The following EIF5 variants were observed in gnomAD, a reference collection of about 807,000 sequenced individuals.
EIF5 encodes the protein eukaryotic translation initiation factor 5.
Under a neutral mutation model 48.3 loss-of-function variants are expected in EIF5, and 10 were observed. The ratio of observed to expected loss-of-function variants is 0.21; its 90% CI spans 0.13 to 0.35. EIF5 has a LOEUF of 0.35. EIF5 is among the 10% of genes least tolerant of loss of function. The pLI is 1.00. For synonymous variants in EIF5, 237 were observed against 173.1 expected, an observed-to-expected ratio of 1.37 and a Z score of -2.90; for missense variants, 397 against 533.2, an observed-to-expected ratio of 0.74 and a Z score of 2.51.
intron 2 of EIF5, 148 bp downstream of exon 2, chr14:103,334,745 C>T (rs933881183): frequency 2.7e-5 from 4 of 147,370 alleles, no homozygotes; most frequent in Admixed American, 6.7e-5. Flanking sequence ...CCCGCGCGCT[C>T]CCCGGCCCGG....
chr14:103,342,063 T>C lies in EIF5; in HGVS notation c.*1011T>C, dbSNP rs1159510416. The C allele has an allele frequency of 6.6e-6, 1 of 152,668 alleles. No individual in the cohort carries two copies. The highest frequency in any genetic ancestry group is 1.5e-5 in the Non-Finnish European group (1 of 68,042). 9.5% of individuals were successfully genotyped at this position (152,668 alleles called of 1,614,324 possible). ...GCCTTTTACATTTGGACACATAGTT[T>C]ATGCTTTTTAGATTTTGGTTGCTTT... On this transcript the variant is annotated 3_prime_UTR_variant, in exon 12 of 12. Coordinates refer to ENST00000216554, the MANE Select transcript of EIF5 (RefSeq NM_001969.5).
intron 8 of EIF5, 76 bp downstream of exon 8, chr14:103,338,969 A>G: frequency 6.5e-7 from 1 of 1,545,832 alleles, no homozygotes; most frequent in Non-Finnish European, 8.7e-7. Context: ...ATACTTTAGC[A>G]GTGTAATTAG....
rs1320469548 is a variant in EIF5 at position 103,336,497 on chromosome 14, C to CT, written c.155-178dup. 7.7e-6 allele frequency: 5 copies of CT among 648,684 alleles called. No individual in the cohort carries two copies. The East Asian group carries it at 1.5e-4, about 19-fold the overall frequency. The allele number at this position is 648,684 out of a possible 1,614,324, so 40.2% of individuals were successfully genotyped here. On this transcript the variant is annotated intron_variant, in intron 4 of 11. Coordinates refer to ENST00000216554, the MANE Select transcript of EIF5 (RefSeq NM_001969.5). ...TTGGGAGGCTGAAGGGGGAGAATCGCTTGAACCCCGGAAACGGAGGTTGCA... is the reference window on the plus strand; with the variant it reads ...TTGGGAGGCTGAAGGGGGAGAATCGCTTTGAACCCCGGAAACGGAGGTTGCA...
In EIF5 at chr14:103,338,348, G is replaced by C; in HGVS notation, c.461G>C (p.Gly154Ala). Residue 154 changes from glycine (G) to alanine (A), a missense_variant, in exon 7 of 12, where the codon GGA (glycine) becomes GCA (alanine). Coordinates refer to ENST00000216554, the MANE Select transcript of EIF5 (RefSeq NM_001969.5). ...NPPENSDSGTGKKEKEKKNRK... is the reference protein window; with the variant it reads ...NPPENSDSGTAKKEKEKKNRK... ...GTAGAGAATAGTGACAGTGGTACAG[G>C]AAAGAAAGAAAAAGAAAAGAAAAAC... is the stretch of plus-strand genomic sequence containing the variant. 1.2e-6 allele frequency: 2 copies of C among 1,613,840 alleles called. No individual in the cohort carries two copies. The highest frequency in any genetic ancestry group is 1.6e-4 in the Middle Eastern group (1 of 6,062).
rs116928037 is a variant in EIF5, at chr14:103,340,522, T to A, written c.1167T>A (p.Ser389=). The change falls in exon 11 of 12, where the codon TCT becomes TCA. Residue 389 remains serine, a synonymous_variant. Transcript: ENST00000216554. ...GGTTGAAGGAGGCAGAGGAAGAATC[T>A]TCTGGTGGCGAAGAAGAAGATGAAG... ...IKWLKEAEEE[S]SGGEEEDEDE... 1,220 of 1,612,970 alleles carry A rather than the reference T, an allele frequency of 7.6e-4. 3 individuals are homozygous for A. The African/African-American group carries it at 0.011, about 14-fold the overall frequency.
intron 11 of EIF5, among the ~76,000 whole-genome samples, 189 bp from the exon 12 acceptor site, chr14:103,340,774 A>C (rs1041720542): frequency 2.6e-5 from 4 of 152,236 alleles, no homozygotes; most frequent in African/African-American, 9.6e-5. Context: ...GTCTATAAAA[A>C]AACTTTAAAA....
intron 10 of EIF5, among the ~76,000 whole-genome samples, chr14:103,340,221 C>G (rs2089337147): frequency 6.6e-6 from 1 of 152,174 alleles, no homozygotes; most frequent in African/African-American, 2.4e-5. Context: ...AGTTCAGTGC[C>G]TGTGCTGTAG....
intron 11 of EIF5, 21 bp from the exon 12 acceptor site, chr14:103,340,942 T>A: frequency 6.2e-7 from 1 of 1,609,836 alleles, no homozygotes; most frequent in Non-Finnish European, 8.5e-7. Context: ...TTATGTTGAA[T>A]AAAATCATTC....
rs755758368 is a variant in EIF5 at position 103,338,719 on chromosome 14, C to A, written c.586-16C>A. 1 of 1,610,726 alleles carries A rather than the reference C, an allele frequency of 6.2e-7. No individual in the cohort carries two copies. Among genetic ancestry groups the A allele is most frequent in the Non-Finnish European group, 8.5e-7 (1 of 1,178,794 alleles). On this transcript the variant is annotated splice_polypyrimidine_tract_variant and intron_variant, in intron 7 of 11. Transcript: ENST00000216554. ...TTTTAAGGCCTTTGATCAAGTAGCT[C>A]TGTTTTCATAAACAGGAAGAAGAGG...
In EIF5 at chr14:103,344,059, T is replaced by C. The variant is rs896095021; in HGVS notation, c.*3007T>C. On this transcript the variant is annotated 3_prime_UTR_variant, in exon 12 of 12. Transcript: ENST00000216554. ...TTGCACTTTCGTTGCATGTGCTGTG[T>C]GACCCCAAGGGGACAGGGAGTCACT... 1.3e-5 allele frequency: 2 copies of C among 152,212 alleles called. No individual in the cohort carries two copies. The highest frequency in any genetic ancestry group is 4.8e-5 in the African/African-American group (2 of 41,452). The allele number at this position is 152,212 out of a possible 1,614,324, so 9.4% of individuals were successfully genotyped here.
Position 103,341,014 on chromosome 14 carries a change from G to T in EIF5, c.1258G>T (p.Asp420Tyr). ...SVPKVETVKS[D>Y]NKDDDIDIDA... ...ACCGAAAGTTGAGACTGTAAAGTCA[G>T]ACAACAAGGATGACGACATCGATAT... Residue 420 changes from aspartate to tyrosine, a missense_variant, in exon 12 of 12, where the codon GAC becomes TAC. This residue lies in a region of EIF5 where 160 missense variants were observed against 184.8 expected (regional missense o/e 0.87). Coordinates refer to ENST00000216554, the MANE Select transcript of EIF5 (RefSeq NM_001969.5). 1.2e-6 allele frequency: 2 copies of T among 1,614,148 alleles called. No individual in the cohort carries two copies. The highest frequency in any genetic ancestry group is 1.7e-6 in the Non-Finnish European group (2 of 1,179,996).
rs1404392390 is a variant in EIF5 at position 103,342,785 on chromosome 14, T to C, written c.*1733T>C. ...TTTGTCACACCAAAGAGGATTTTTT[T>C]TTCTTCAAACTTGTATGTTGCCTAG... On this transcript the variant is annotated 3_prime_UTR_variant, in exon 12 of 12. Transcript: ENST00000216554. 6.6e-6 allele frequency: 1 copy of C among 152,658 alleles called. No individual in the cohort carries two copies. The highest frequency in any genetic ancestry group is 1.5e-5 in the Non-Finnish European group (1 of 68,050). The allele number at this position is 152,658 out of a possible 1,614,324, so 9.5% of individuals were successfully genotyped here.
chr14:103,338,115 T>C, intron 6 of EIF5: 3 of 717,396 alleles, frequency 4.2e-6, no homozygotes, highest in Non-Finnish European at 7.1e-6. Flanking sequence ...ACCCCTAATA[T>C]TTTGTGTCAC....
chr14:103,336,587 A>G, intron 4 of EIF5, 90 bp from the exon 5 acceptor site: 2 of 1,415,246 alleles, frequency 1.4e-6, no homozygotes, highest in Non-Finnish European at 1.9e-6. Flanking sequence ...GTCTCAAAAA[A>G]AAAAAAAAAG....
intron 2 of EIF5, chr14:103,335,101 G>C (rs568221759): frequency 6.6e-6 from 1 of 152,326 alleles, no homozygotes; most frequent in Non-Finnish European, 1.5e-5. Flanking sequence ...AAGGGAGGCC[G>C]GGGCGAGCCT....
At chr14:103,337,030 C>A in intron 5 of EIF5, 86 bp from the exon 6 acceptor site, 2 of 1,372,604 alleles carry the variant, frequency 1.5e-6, no homozygotes, top group Non-Finnish European at 2.0e-6. Flanking sequence ...GTTTTCTTTG[C>A]ATGTGAAGCT....
At chr14:103,335,210 G>A (rs891611580) in intron 2 of EIF5, 2 of 146,322 alleles carry the variant, frequency 1.4e-5, no homozygotes, top group East Asian at 4.2e-4. Flanking sequence ...CCGAAGCAAC[G>A]ATTAGTTGTA....
rs180723198 is a variant in EIF5 at position 103,337,770 on chromosome 14, T to C, written c.439+543T>C. ...GGGTAGATGAAGTAATGACTAAAATTCTGCTGGAAACCCAGCAAAGTTTCT... is the reference window on the plus strand; with the variant it reads ...GGGTAGATGAAGTAATGACTAAAATCCTGCTGGAAACCCAGCAAAGTTTCT... On this transcript the variant is annotated intron_variant, in intron 6 of 11. Coordinates refer to ENST00000216554, the MANE Select transcript of EIF5 (RefSeq NM_001969.5). 1.3e-3 allele frequency: 558 copies of C among 446,008 alleles called. 3 individuals are homozygous for C. Among genetic ancestry groups the C allele is most frequent in the African/African-American group, 9.2e-3 (455 of 49,332 alleles). 27.6% of individuals were successfully genotyped at this position (446,008 alleles called of 1,614,324 possible). A position where few individuals can be genotyped will look rare whatever the true frequency, so the allele number is the denominator to read the frequency against.
In EIF5 at chr14:103,342,233, A is replaced by AT. The variant is rs989381343; in HGVS notation, c.*1187dup. On this transcript the variant is annotated 3_prime_UTR_variant, in exon 12 of 12. Coordinates refer to ENST00000216554, the MANE Select transcript of EIF5 (RefSeq NM_001969.5). ...TCTATTTTGGTGTAAGACTTGGGAT[A>AT]TTTTTTACTTCACATTGAATATAGC... 5 of 152,214 alleles carry AT rather than the reference A, an allele frequency of 3.3e-5. No homozygotes were observed. Among genetic ancestry groups the AT allele is most frequent in the African/African-American group, 1.2e-4 (5 of 41,288 alleles). 9.4% of individuals were successfully genotyped at this position (152,214 alleles called of 1,614,324 possible). A position where few individuals can be genotyped will look rare whatever the true frequency, so the allele number is the denominator to read the frequency against.
Sources: gnomAD v4.1 joint callset for allele counts (sites outside exome capture counted in the v4.1 genomes callset) on GRCh38, gnomAD v4.1.1 for gene constraint, gnomAD v4.1.1 regional missense constraint, MANE v1.5 for transcripts, NCBI Gene and HGNC (gene_info 2026-07-23, HGNC 2026-07-21) for gene names.